Variants in GRID1 observed in about 807,000 individuals in gnomAD.
GRID1 encodes the protein glutamate receptor ionotropic, delta-1.
A neutral mutation model predicts 98.0 loss-of-function variants in GRID1; 28 were observed. The observed-to-expected ratio is 0.29, with a 90% CI of 0.21 to 0.39. The LOEUF (loss-of-function observed/expected upper bound fraction) is 0.39, where lower values mean the gene tolerates loss of function less well. Among genes scored for constraint, GRID1 ranks in the 10% least tolerant of loss-of-function variants. The pLI is 1.00. For synonymous variants in GRID1, 553 were observed against 538.5 expected (o/e 1.03, Z -0.37); for missense variants, 1,111 against 1,340.5 (o/e 0.83, Z 2.67).
At chr10:86,323,345 T>C (rs1473623828) in intron 2 of GRID1, among the ~76,000 whole-genome samples, 1 of 152,202 alleles carries the variant, frequency 6.6e-6, no homozygotes, top group East Asian at 1.9e-4. Flanking sequence ...ACTTACTATG[T>C]ATAAAGCACT....
chr10:85,866,066 T>A (rs1457257111), intron 6 of GRID1, among the ~76,000 whole-genome samples: 1 of 149,226 alleles, frequency 6.7e-6, no homozygotes, highest in East Asian at 2.0e-4. Flanking sequence ...TAATTCCTTA[T>A]CAAGGGTCTT....
intron 8 of GRID1, among the ~76,000 whole-genome samples, chr10:85,774,761 C>G (rs1842312029): frequency 6.7e-6 from 1 of 149,840 alleles, no homozygotes; most frequent in South Asian, 2.2e-4. Flanking sequence ...AAATGCAAAT[C>G]AAAACCACAA....
At chr10:85,805,554 G>T (rs1842616186) in intron 8 of GRID1, among the ~76,000 whole-genome samples, 1 of 151,774 alleles carries the variant, frequency 6.6e-6, no homozygotes, top group African/African-American at 2.4e-5. Flanking sequence ...GTTTACCAAG[G>T]CAGTAAAAGT....
At chr10:85,780,720 G>T (rs922187425) in intron 8 of GRID1, among the ~76,000 whole-genome samples, 3 of 152,216 alleles carry the variant, frequency 2.0e-5, no homozygotes, top group African/African-American at 7.2e-5. Context: ...TTTCCACTCT[G>T]CCATGCTGTG....
At chr10:86,221,136 C>T (rs750910800) in intron 2 of GRID1, among the ~76,000 whole-genome samples, 1 of 152,214 alleles carries the variant, frequency 6.6e-6, no homozygotes, top group Non-Finnish European at 1.5e-5. Flanking sequence ...TGCTTCAGAG[C>T]AGTCGGGGAG....
intron 4 of GRID1, among the ~76,000 whole-genome samples, chr10:86,125,632 TTCAA>T (rs1844741043): frequency 1.3e-5 from 2 of 152,198 alleles, no homozygotes; most frequent in Admixed American, 6.5e-5. Flanking sequence ...GTGGATTTTT[TTCAA>T]TCAATGTTTC....
At chr10:85,667,235 AT>A (rs1201714278) in intron 12 of GRID1, among the ~76,000 whole-genome samples, 2 of 151,796 alleles carry the variant, frequency 1.3e-5, no homozygotes, top group African/African-American at 4.8e-5. Flanking sequence ...CCTGGGAAAA[AT>A]TTCCCCCGCA....
rs143237681 is a variant in GRID1 at position 85,653,391 on chromosome 10, AGAG to A, written c.1998-5997_1998-5995del. 3.1e-3 allele frequency among the ~76,000 whole-genome samples: 473 copies of A among 152,336 alleles called. 3 individuals carry two copies. Among genetic ancestry groups the A allele is most frequent in the Middle Eastern group, 0.014 (4 of 294 alleles). ...TCTAGTATGTCCTCGCACTGGACTA[AGAG>A]GAGCAGAGAGGAATGAACTCGCAGA... On this transcript the variant is annotated intron_variant, in intron 12 of 15. Coordinates refer to ENST00000327946, the MANE Select transcript of GRID1 (RefSeq NM_017551.3).
At chr10:85,734,876 G>A (rs1465495706) in intron 8 of GRID1, among the ~76,000 whole-genome samples, 2 of 152,132 alleles carry the variant, frequency 1.3e-5, no homozygotes, top group African/African-American at 4.8e-5. Flanking sequence ...TTTTTTTTAT[G>A]TAAATGAAGG....
chr10:86,242,888 G>C (rs1002032031), intron 2 of GRID1, among the ~76,000 whole-genome samples: 1 of 152,166 alleles, frequency 6.6e-6, no homozygotes, highest in Non-Finnish European at 1.5e-5. Context: ...CAGGGATCTG[G>C]TACTGACAGC....
intron 3 of GRID1, among the ~76,000 whole-genome samples, chr10:86,193,187 A>T (rs12415426): frequency 0.32 from 48,079 of 151,792 alleles, 9,543 homozygotes; most frequent in Non-Finnish European, 0.44. Flanking sequence ...TGCAGTCAGG[A>T]GAGTGAGGGC....
At chr10:86,004,858 C>T (rs1223995560) in intron 4 of GRID1, among the ~76,000 whole-genome samples, 2 of 152,142 alleles carry the variant, frequency 1.3e-5, no homozygotes, top group African/African-American at 2.4e-5. Context: ...GACCTCATTG[C>T]ACTGTTCCTA....
chr10:86,241,711 A>T (rs1292356745), intron 2 of GRID1, among the ~76,000 whole-genome samples: 1 of 152,226 alleles, frequency 6.6e-6, no homozygotes, highest in Non-Finnish European at 1.5e-5. Flanking sequence ...CAATATAATT[A>T]ATTAGTTATG....
intron 2 of GRID1, among the ~76,000 whole-genome samples, chr10:86,259,484 A>C (rs1266441456): frequency 7.0e-6 from 1 of 142,102 alleles, no homozygotes; most frequent in Non-Finnish European, 1.5e-5. Context: ...AAATACATCT[A>C]TATCATTACA....
intron 3 of GRID1, among the ~76,000 whole-genome samples, chr10:86,140,777 G>A (rs7342091): frequency 0.43 from 65,331 of 152,092 alleles, 17,288 homozygotes; most frequent in African/African-American, 0.75. Flanking sequence ...GTAAAATGGG[G>A]TGAAAATCAC....
intron 4 of GRID1, among the ~76,000 whole-genome samples, chr10:85,977,153 G>A (rs1410012069): frequency 6.6e-6 from 1 of 152,230 alleles, no homozygotes; most frequent in Non-Finnish European, 1.5e-5. Context: ...TGTGATTAGT[G>A]TCTACCTTAT....
At chr10:85,882,470 T>A (rs1841046539) in intron 5 of GRID1, among the ~76,000 whole-genome samples, 1 of 152,126 alleles carries the variant, frequency 6.6e-6, no homozygotes, top group Admixed American at 6.5e-5. Flanking sequence ...ATGTCCTTTG[T>A]AGGGACATGG....
intron 8 of GRID1, among the ~76,000 whole-genome samples, chr10:85,752,474 T>C (rs1842057392): frequency 6.6e-6 from 1 of 152,186 alleles, no homozygotes; most frequent in Non-Finnish European, 1.5e-5. Context: ...ACAAAATAGA[T>C]ATAAAATGGA....
chr10:85,691,313 T>C (rs1841329376), intron 12 of GRID1, among the ~76,000 whole-genome samples: 2 of 152,228 alleles, frequency 1.3e-5, no homozygotes, highest in African/African-American at 4.8e-5. Context: ...TTAGCATTTT[T>C]CACCAATTGA....
Sources: gnomAD v4.1 joint callset for allele counts (sites outside exome capture counted in the v4.1 genomes callset) on GRCh38, gnomAD v4.1.1 for gene constraint, MANE v1.5 for transcripts, NCBI Gene and HGNC (gene_info 2026-07-23, HGNC 2026-07-21) for gene names.